The following ADAMTS14 variants were observed in gnomAD, a reference collection of about 807,000 sequenced individuals.
ADAMTS14 encodes the protein A disintegrin and metalloproteinase with thrombospondin motifs 14.
ADAMTS14 carries 100 observed loss-of-function variants against 128.6 expected under a neutral mutation model. That is an observed-to-expected ratio of 0.78 (90% CI 0.66 to 0.92). The LOEUF is 0.92. ADAMTS14 is among the 40% of genes least tolerant of loss of function. The pLI is 0.00. For missense variants in ADAMTS14, 1,562 were observed against 1,658.6 expected, an observed-to-expected ratio of 0.94 and a Z score of 1.01; for synonymous variants, 665 against 653.8, an observed-to-expected ratio of 1.02 and a Z score of -0.26.
intron 2 of ADAMTS14, among the ~76,000 whole-genome samples, chr10:70,681,048 G>A (rs925198177): frequency 1.3e-5 from 2 of 152,246 alleles, no homozygotes; most frequent in African/African-American, 2.4e-5. Flanking sequence ...TATCTGACTG[G>A]CCCTTGGCCA....
At chr10:70,681,967 G>A (rs10999470) in intron 2 of ADAMTS14, among the ~76,000 whole-genome samples, 34,449 of 152,168 alleles carry the variant, frequency 0.23, 4,181 homozygotes, top group Middle Eastern at 0.32. Flanking sequence ...GGCTGTCCCC[G>A]CCCCTGCCCT....
At chr10:70,693,786 G>A (rs1451055375) in intron 2 of ADAMTS14, among the ~76,000 whole-genome samples, 1 of 152,216 alleles carries the variant, frequency 6.6e-6, no homozygotes, top group Non-Finnish European at 1.5e-5. Context: ...GCCTGCAGAG[G>A]TCATGACCTT....
At chr10:70,743,349 G>A (rs1842064680) in intron 12 of ADAMTS14, among the ~76,000 whole-genome samples, 199 bp from the exon 13 acceptor site, 1 of 152,190 alleles carries the variant, frequency 6.6e-6, no homozygotes. Context: ...CAAAGGCTGG[G>A]AGAGGTCAGA....
At chr10:70,700,842 T>C (rs904612633) in intron 2 of ADAMTS14, among the ~76,000 whole-genome samples, 2 of 152,152 alleles carry the variant, frequency 1.3e-5, no homozygotes, top group African/African-American at 4.8e-5. Context: ...AGGCACACAG[T>C]AGGTATAAAG....
rs1839593261 is a variant in ADAMTS14 at position 70,674,806 on chromosome 10, T to C, written c.333T>C (p.Thr111=). The change falls in exon 2 of 22, where the codon ACT becomes ACC. Residue 111 remains threonine, a synonymous_variant. Coordinates refer to ENST00000373207, the MANE Select transcript of ADAMTS14 (RefSeq NM_080722.4). ...GCCACTCCCTCTACTTCAATGTCAC[T>C]GTTTTCGGGAAGGAACTGCACTTGC... The part of the protein sequence containing the change: ...VGRHSLYFNV[T]VFGKELHLRL... The C allele has an allele frequency of 3.7e-6, 6 of 1,613,820 alleles. No individual in the cohort carries two copies. The highest frequency in any genetic ancestry group is 5.1e-6 in the Non-Finnish European group (6 of 1,180,018).
intron 12 of ADAMTS14, among the ~76,000 whole-genome samples, chr10:70,741,560 C>T (rs1052175016): frequency 6.6e-6 from 1 of 152,224 alleles, no homozygotes; most frequent in Non-Finnish European, 1.5e-5. Flanking sequence ...AGGCGCCCTT[C>T]CCGTTGCATG....
intron 16 of ADAMTS14, 148 bp from the exon 17 acceptor site, chr10:70,751,330 A>G (rs1175087886): frequency 6.4e-6 from 5 of 775,898 alleles, no homozygotes; most frequent in Non-Finnish European, 1.0e-5. Context: ...ACCCCCTACC[A>G]TACCCCAGCC....
At chr10:70,701,015 T>C (rs779074609) in intron 2 of ADAMTS14, among the ~76,000 whole-genome samples, 4 of 152,240 alleles carry the variant, frequency 2.6e-5, no homozygotes, top group Non-Finnish European at 5.9e-5. Flanking sequence ...CCTGGGAACA[T>C]TTCTTGGCCT....
chr10:70,748,465 G>A (rs1589334956), intron 15 of ADAMTS14, among the ~76,000 whole-genome samples: 2 of 152,310 alleles, frequency 1.3e-5, no homozygotes, highest in South Asian at 4.1e-4. Flanking sequence ...CAGGAGGCGA[G>A]GGGCATCTCT....
At chr10:70,697,401 G>A (rs907987967) in intron 2 of ADAMTS14, among the ~76,000 whole-genome samples, 12 of 152,228 alleles carry the variant, frequency 7.9e-5, no homozygotes, top group Admixed American at 3.3e-4. Context: ...CCAGGTCCTT[G>A]CTCATTGTCT....
chr10:70,700,859 T>C (rs1840472567), intron 2 of ADAMTS14, among the ~76,000 whole-genome samples: 1 of 152,246 alleles, frequency 6.6e-6, no homozygotes. Context: ...AAAGTCAAAG[T>C]GCTCTGCATG....
At chr10:70,744,241 C>A (rs537005421) in intron 14 of ADAMTS14, 52 bp downstream of exon 14, 177 of 1,466,290 alleles carry the variant, frequency 1.2e-4, no homozygotes, top group Non-Finnish European at 6.3e-5. Context: ...GAGTTCTTGC[C>A]GTCCCTCAGG....
At position 70,746,969 on chromosome 10, in the gene ADAMTS14, G is replaced by A. The variant is rs145486455; in HGVS notation, c.2263+1663G>A. Reference sequence around the variant, plus strand: ...CACAGAGGCCCCTCTTACCTATTACGTCTGCCAAGTCACACTGCTTGGTGC... The same window carrying A: ...CACAGAGGCCCCTCTTACCTATTACATCTGCCAAGTCACACTGCTTGGTGC... On this transcript the variant is annotated intron_variant, in intron 15 of 21. Coordinates refer to ENST00000373207, the MANE Select transcript of ADAMTS14 (RefSeq NM_080722.4). 2.9e-4 allele frequency among the ~76,000 whole-genome samples: 44 copies of A among 152,020 alleles called. 3 individuals are homozygous for A. The highest frequency in any genetic ancestry group is 1.8e-3 in the East Asian group (9 of 5,132).
rs1842626166 is a variant in ADAMTS14 at position 70,762,173 on chromosome 10, A to T, written c.*1320A>T. On this transcript the variant is annotated 3_prime_UTR_variant, in exon 22 of 22. Transcript: ENST00000373207. ...CTGCCAGGTGATAGAGGTGCTTCTC[A>T]CTTCTTCCTTCCCCAAGGCAAAGGG... 6.6e-6 allele frequency: 1 copy of T among 152,580 alleles called. No homozygotes were observed. Among genetic ancestry groups the T allele is most frequent in the South Asian group, 2.1e-4 (1 of 4,830 alleles). The allele number at this position is 152,580 out of a possible 1,614,324, so 9.5% of individuals were successfully genotyped here.
At chr10:70,728,570 C>T (rs1472079335) in intron 4 of ADAMTS14, among the ~76,000 whole-genome samples, 1 of 152,252 alleles carries the variant, frequency 6.6e-6, no homozygotes, top group Non-Finnish European at 1.5e-5. Flanking sequence ...TGTTCAGGAG[C>T]TTCCTGGCAG....
At position 70,732,345 on chromosome 10, in the gene ADAMTS14, T is replaced by C; in HGVS notation, c.1194T>C (p.His398=). ...TCTCCTCAGCCTTCGTGATAGCTCA[T>C]GAGACCGGCCACGTGTAAGTGGCAG... ...DGFSSAFVIA[H]ETGHVLGMEH... Residue 398 remains histidine (H), a synonymous_variant, in exon 7 of 22, where the codon CAT becomes CAC. Transcript: ENST00000373207. 1.1e-5 allele frequency: 18 copies of C among 1,613,768 alleles called. No homozygotes were observed. The highest frequency in any genetic ancestry group is 2.2e-5 in the East Asian group (1 of 44,882).
chr10:70,716,508 C>A (rs1841049855), intron 4 of ADAMTS14, among the ~76,000 whole-genome samples: 1 of 152,216 alleles, frequency 6.6e-6, no homozygotes, highest in Non-Finnish European at 1.5e-5. Context: ...GGAAGGAGAG[C>A]AGATGGGGAC....
intron 2 of ADAMTS14, among the ~76,000 whole-genome samples, chr10:70,687,542 G>A (rs1325686884): frequency 1.9e-3 from 65 of 34,266 alleles, no homozygotes; most frequent in Non-Finnish European, 3.3e-3. Flanking sequence ...CGGATGGGGC[G>A]GCTGGCCGGG....
chr10:70,739,547 C>T (rs562814622), intron 11 of ADAMTS14, among the ~76,000 whole-genome samples: 2 of 152,080 alleles, frequency 1.3e-5, no homozygotes, highest in South Asian at 2.1e-4. Context: ...GATATCTGAG[C>T]CCTAGTTCTC....
Sources: gnomAD v4.1 joint callset for allele counts (sites outside exome capture counted in the v4.1 genomes callset) on GRCh38, gnomAD v4.1.1 for gene constraint, MANE v1.5 for transcripts, NCBI Gene and HGNC (gene_info 2026-07-23, HGNC 2026-07-21) for gene names.